Variants in IGFL2 observed in about 807,000 individuals in gnomAD.
IGFL2 encodes insulin growth factor-like family member 2.
In IGFL2, 7 loss-of-function variants were observed where a neutral mutation model predicts 13.9. The observed-to-expected ratio is 0.51, with a 90% CI of 0.29 to 0.95. The LOEUF is 0.95. Ranked by LOEUF, IGFL2 falls within the 40% of genes least tolerant of loss-of-function variation. IGFL2 has a pLI of 0.08. For synonymous variants in IGFL2, 55 were observed against 55.8 expected (o/e 0.99, Z 0.07); for missense variants, 138 against 147.8 (o/e 0.93, Z 0.34).
At chr19:46,194,858 T>A in the IGFL2 span, among the ~76,000 whole-genome samples, 12,015 of 63,436 alleles carry the variant, frequency 0.19, 778 homozygotes, top group Non-Finnish European at 0.31. Context: ...ATATATTTTT[T>A]TTTTTTTTTT....
the IGFL2 span, among the ~76,000 whole-genome samples, chr19:46,099,648 C>T: frequency 6.6e-6 from 1 of 151,942 alleles, no homozygotes; most frequent in Non-Finnish European, 1.5e-5. Flanking sequence ...CTGCCTTAGC[C>T]TCCCAAGTAG....
the IGFL2 span, among the ~76,000 whole-genome samples, chr19:46,206,180 C>T: frequency 6.6e-6 from 1 of 152,104 alleles, no homozygotes; most frequent in African/African-American, 2.4e-5. Flanking sequence ...TCCCTCGAAC[C>T]CAGCTTCTGA....
chr19:46,085,444 A>G, the IGFL2 span, among the ~76,000 whole-genome samples: 6 of 152,186 alleles, frequency 3.9e-5, no homozygotes, highest in Admixed American at 3.9e-4. Context: ...TGTCTAGAAT[A>G]AGAATAGCAA....
the IGFL2 span, among the ~76,000 whole-genome samples, chr19:46,090,612 C>T: frequency 2.0e-5 from 3 of 152,198 alleles, no homozygotes; most frequent in East Asian, 1.9e-4. Flanking sequence ...TATGCTGGTA[C>T]GTGATGACAA....
the IGFL2 span, among the ~76,000 whole-genome samples, chr19:46,129,203 A>G: frequency 6.6e-6 from 1 of 151,650 alleles, no homozygotes; most frequent in Non-Finnish European, 1.5e-5. Context: ...TTACATTTCT[A>G]ATGGTATTTA....
the IGFL2 span, chr19:46,113,199 C>T: frequency 5.8e-5 from 10 of 171,858 alleles, 1 homozygote; most frequent in South Asian, 4.0e-4. Flanking sequence ...AGGCAAAAAG[C>T]GTTCCGTCCT....
At chr19:46,145,054 C>T (rs568111756), upstream of IGFL2, among the ~76,000 whole-genome samples, 7 of 152,112 alleles carry the variant, frequency 4.6e-5, no homozygotes, top group African/African-American at 1.7e-4. Flanking sequence ...GTTGTTTCCA[C>T]TTTTTTGCTA....
the IGFL2 span, among the ~76,000 whole-genome samples, chr19:46,125,373 G>A: frequency 6.6e-6 from 1 of 152,204 alleles, no homozygotes; most frequent in Non-Finnish European, 1.5e-5. Flanking sequence ...AGTGGCCAAT[G>A]ATAAGTGATG....
chr19:46,196,979 C>A, the IGFL2 span: 2 of 214,072 alleles, frequency 9.3e-6, no homozygotes, highest in Non-Finnish European at 2.0e-5. Flanking sequence ...CAGGCTGGGA[C>A]CCACCTGCCC....
intron 1 of IGFL2, among the ~76,000 whole-genome samples, chr19:46,155,820 C>CT (rs1313957473): frequency 6.6e-6 from 1 of 151,968 alleles, no homozygotes; most frequent in Admixed American, 6.6e-5. Context: ...TATCTGAACT[C>CT]TGTTTCATTC....
chr19:46,199,087 G>A, the IGFL2 span, among the ~76,000 whole-genome samples: 1 of 152,184 alleles, frequency 6.6e-6, no homozygotes, highest in Non-Finnish European at 1.5e-5. Context: ...ACCAAGGCCT[G>A]CCTCCCCTTC....
the IGFL2 span, among the ~76,000 whole-genome samples, chr19:46,170,684 C>G: frequency 2.0e-5 from 3 of 152,162 alleles, no homozygotes; most frequent in African/African-American, 7.2e-5. Context: ...TAATGCCTTC[C>G]CAGGGGGGCC....
the IGFL2 span, among the ~76,000 whole-genome samples, chr19:46,197,661 A>G: frequency 4.6e-5 from 7 of 152,248 alleles, no homozygotes; most frequent in East Asian, 1.2e-3. Flanking sequence ...CCTTTAGAGT[A>G]GCTGGGACCA....
At chr19:46,078,906 A>G in the IGFL2 span, among the ~76,000 whole-genome samples, 1 of 43,214 alleles carries the variant, frequency 2.3e-5, no homozygotes, top group African/African-American at 1.0e-4. Context: ...GACATCGCGC[A>G]GGCGTCGTCA....
At chr19:46,132,011 G>T in the IGFL2 span, among the ~76,000 whole-genome samples, 2 of 152,152 alleles carry the variant, frequency 1.3e-5, no homozygotes, top group Non-Finnish European at 2.9e-5. Flanking sequence ...TATTAACGTA[G>T]CAGAAATGTA....
chr19:46,084,987 G>T, the IGFL2 span, among the ~76,000 whole-genome samples: 4 of 152,122 alleles, frequency 2.6e-5, no homozygotes, highest in Non-Finnish European at 4.4e-5. Context: ...ATCTGGACAT[G>T]AATTCCTTCC....
the IGFL2 span, among the ~76,000 whole-genome samples, chr19:46,115,928 G>A: frequency 2.1e-4 from 32 of 152,152 alleles, no homozygotes; most frequent in Admixed American, 1.3e-3. Context: ...CAGGAGGCTC[G>A]CCGGCTGACA....
the IGFL2 span, chr19:46,197,416 G>T: frequency 6.4e-6 from 1 of 155,340 alleles, no homozygotes; most frequent in Non-Finnish European, 1.4e-5. Context: ...TTTCCCTACA[G>T]TTGTATTTCT....
At chr19:46,154,895 T>C (rs752002036) in intron 1 of IGFL2, among the ~76,000 whole-genome samples, 8 of 152,200 alleles carry the variant, frequency 5.3e-5, no homozygotes, top group Non-Finnish European at 8.8e-5. Context: ...TTAGGGAGAC[T>C]TGTGGAGCTC....
Sources: gnomAD v4.1 joint callset for allele counts (sites outside exome capture counted in the v4.1 genomes callset) on GRCh38, gnomAD v4.1.1 for gene constraint, MANE v1.5 for transcripts, NCBI Gene and HGNC (gene_info 2026-07-23, HGNC 2026-07-21) for gene names.